The following WASF3 variants were observed in gnomAD, a reference collection of about 807,000 sequenced individuals.
WASF3 encodes the protein actin-binding protein WASF3.
A neutral mutation model predicts 46.6 loss-of-function variants in WASF3; 11 were observed. The observed-to-expected ratio is 0.24, with a 90% CI of 0.15 to 0.39. WASF3 has a LOEUF of 0.39. WASF3 is among the 10% of genes least tolerant of loss of function. The pLI is 1.00. For synonymous variants in WASF3, 242 were observed against 259.7 expected (o/e 0.93, Z 0.65); for missense variants, 576 against 669.8 (o/e 0.86, Z 1.55).
chr13:26,589,669 A>C (rs1880232254), intron 1 of WASF3, among the ~76,000 whole-genome samples: 1 of 152,184 alleles, frequency 6.6e-6, no homozygotes, highest in Non-Finnish European at 1.5e-5. Context: ...TATTTCTCCA[A>C]AGCACAACAG....
intron 3 of WASF3, among the ~76,000 whole-genome samples, chr13:26,663,917 G>A (rs1277948835): frequency 2.6e-5 from 4 of 152,118 alleles, no homozygotes; most frequent in Non-Finnish European, 4.4e-5. Context: ...GGATTTGGAC[G>A]GATCACCTTT....
At chr13:26,667,948 AAGTG>A (rs111675739) in intron 5 of WASF3, among the ~76,000 whole-genome samples, 3 of 152,208 alleles carry the variant, frequency 2.0e-5, no homozygotes, top group Non-Finnish European at 4.4e-5. Flanking sequence ...CCTTAAGTAG[AAGTG>A]AGTAAGTTGC....
chr13:26,676,352 G>A (rs1471629356), intron 6 of WASF3, among the ~76,000 whole-genome samples, 197 bp from the exon 7 acceptor site: 1 of 152,168 alleles, frequency 6.6e-6, no homozygotes, highest in Non-Finnish European at 1.5e-5. Context: ...GTAACTTTTT[G>A]TTGATTCTGT....
intron 3 of WASF3, among the ~76,000 whole-genome samples, chr13:26,664,116 G>T (rs750601969): frequency 1.3e-5 from 2 of 152,148 alleles, no homozygotes; most frequent in African/African-American, 2.4e-5. Context: ...TGAAAGCAGC[G>T]TATAAACTAT....
intron 2 of WASF3, among the ~76,000 whole-genome samples, chr13:26,632,552 T>G (rs1456860297): frequency 6.6e-6 from 1 of 152,206 alleles, no homozygotes; most frequent in Non-Finnish European, 1.5e-5. Context: ...AGCTTTTTGA[T>G]GTGCTGCTGG....
At chr13:26,607,668 G>A (rs1223660596) in intron 1 of WASF3, among the ~76,000 whole-genome samples, 1 of 151,724 alleles carries the variant, frequency 6.6e-6, no homozygotes, top group African/African-American at 2.4e-5. Flanking sequence ...GTCTTGCTCT[G>A]TCGCCCAGAC....
At chr13:26,557,877 G>C (rs1010068889) in intron 1 of WASF3, 58 bp downstream of exon 1, 1 of 295,758 alleles carries the variant, frequency 3.4e-6, no homozygotes, top group African/African-American at 2.2e-5. Context: ...GGCCCTCTCG[G>C]CTCCGGGCCG....
intron 1 of WASF3, among the ~76,000 whole-genome samples, chr13:26,606,321 C>CGTGTGT (rs60865367): frequency 0.032 from 4,227 of 131,978 alleles, 103 homozygotes; most frequent in African/African-American, 0.042. Context: ...TCTTTTTTTT[C>CGTGTGT]GTGTGTGTGT....
rs147038569 is a variant in WASF3, at chr13:26,559,414, T to G, written c.-109+1595T>G. Among the ~76,000 whole-genome samples, 1,423 of 152,332 alleles carry G rather than the reference T, an allele frequency of 9.3e-3. 7 individuals carry two copies. The highest frequency in any genetic ancestry group is 0.018 in the African/African-American group (735 of 41,570). ...TTTGTTTTTAAAAAATCTGTTTGCT[T>G]TAAAATTTACAACCTAATAGTCAAT... On this transcript the variant is annotated intron_variant, in intron 1 of 9. Coordinates refer to ENST00000335327, the MANE Select transcript of WASF3 (RefSeq NM_006646.6).
intron 1 of WASF3, among the ~76,000 whole-genome samples, chr13:26,593,797 A>G (rs770874875): frequency 1.3e-5 from 2 of 152,236 alleles, no homozygotes; most frequent in Non-Finnish European, 2.9e-5. Context: ...ATTTAGTGTC[A>G]TGTCAGAAAA....
intron 1 of WASF3, among the ~76,000 whole-genome samples, chr13:26,563,439 C>T (rs2137141203): frequency 6.6e-6 from 1 of 152,006 alleles, no homozygotes; most frequent in South Asian, 2.1e-4. Context: ...CTGATCACCT[C>T]AGGTCAGGAG....
intron 7 of WASF3, 147 bp from the exon 8 acceptor site, chr13:26,680,906 CG>C: frequency 1.1e-6 from 1 of 942,034 alleles, no homozygotes; most frequent in Non-Finnish European, 1.6e-6. Context: ...GAATCTCTCA[CG>C]GGGCTATACC....
intron 9 of WASF3, among the ~76,000 whole-genome samples, chr13:26,684,098 G>A (rs2137523238): frequency 6.6e-6 from 1 of 152,238 alleles, no homozygotes; most frequent in Admixed American, 6.5e-5. Flanking sequence ...TTTTTCTTGT[G>A]TGCCCATGAA....
chr13:26,551,799 T>G, the WASF3 span, among the ~76,000 whole-genome samples: 3 of 152,218 alleles, frequency 2.0e-5, no homozygotes, highest in African/African-American at 7.2e-5. Flanking sequence ...TGGATTATTT[T>G]TAAGGGCTTT....
intron 7 of WASF3, chr13:26,680,334 G>T: frequency 9.1e-7 from 1 of 1,100,524 alleles, no homozygotes; most frequent in Non-Finnish European, 1.2e-6. Flanking sequence ...TCTTACTAAC[G>T]CCCACGGCAC....
chr13:26,665,156 G>A lies in WASF3; in HGVS notation c.262G>A (p.Glu88Lys). Reference protein sequence around the residue: ...VKVTQLDSTVEEVSLQDINMK... With the variant: ...VKVTQLDSTVKEVSLQDINMK... ...AGTCACCCAGCTGGATTCAACAGTG[G>A]AAGAGGGTAGGTAATTGCCTGAAAG... is the stretch of plus-strand genomic sequence containing the variant. The change falls in exon 4 of 10, where the codon GAA becomes AAA. Residue 88 changes from glutamate (E) to lysine (K), a missense_variant. Transcript: ENST00000335327. 6.2e-7 allele frequency: 1 copy of A among 1,613,736 alleles called. No homozygotes were observed.
At position 26,594,588 on chromosome 13, in the gene WASF3, A is replaced by G. The variant is rs190890103; in HGVS notation, c.-108-18373A>G. ...ACTGCCCTGTTGTAGCTCCTGTATC[A>G]CTTTCCCCGTGTACATCATTCATAC... is the stretch of plus-strand genomic sequence containing the variant. On this transcript the variant is annotated intron_variant, in intron 1 of 9. Transcript: ENST00000335327. Among the ~76,000 whole-genome samples the G allele has an allele frequency of 8.0e-4, 122 of 152,144 alleles. 1 individual carries two copies. Among genetic ancestry groups the G allele is most frequent in the African/African-American group, 2.8e-3 (117 of 41,520 alleles).
At chr13:26,586,978 C>CTG (rs1385963234) in intron 1 of WASF3, among the ~76,000 whole-genome samples, 1 of 151,318 alleles carries the variant, frequency 6.6e-6, no homozygotes, top group Non-Finnish European at 1.5e-5. Flanking sequence ...TGGCACACAC[C>CTG]TGTAGTCCTG....
chr13:26,665,364 C>T (rs1171995423), intron 4 of WASF3, among the ~76,000 whole-genome samples: 1 of 152,202 alleles, frequency 6.6e-6, no homozygotes, highest in Non-Finnish European at 1.5e-5. Context: ...TACCTCATAA[C>T]TCTATACTCT....
Sources: allele counts gnomAD v4.1 joint callset (sites outside exome capture counted in the v4.1 genomes callset), GRCh38; gene constraint gnomAD v4.1.1; transcripts MANE v1.5; gene names NCBI Gene and HGNC (gene_info 2026-07-23, HGNC 2026-07-21).